The following CANX variants were observed in gnomAD, a reference collection of about 807,000 sequenced individuals.
The protein encoded by CANX is calnexin, also known as epididymis secretory sperm binding protein.
CANX carries 14 observed loss-of-function variants against 75.7 expected under a neutral mutation model. The observed-to-expected ratio is 0.19, with a 90% CI of 0.12 to 0.29. CANX has a LOEUF of 0.29. Ranked by LOEUF, CANX falls within the 10% of genes least tolerant of loss-of-function variation. The probability of loss-of-function intolerance (pLI) is 1.00; values close to 1 mark genes in which losing one functional copy is unlikely to be tolerated. For synonymous variants in CANX, 227 were observed against 236.9 expected (o/e 0.96, Z 0.38); for missense variants, 567 against 713.2 (o/e 0.79, Z 2.34).
chr5:179,698,360 C>T (rs569309007), upstream of CANX: 42 of 1,175,558 alleles, frequency 3.6e-5, no homozygotes, highest in South Asian at 4.9e-4. Flanking sequence ...TGCGCAGGCT[C>T]CTGGGCCGAG....
At chr5:179,680,560 G>A (rs1332740297) in intron 1 of CANX, among the ~76,000 whole-genome samples, 2 of 152,112 alleles carry the variant, frequency 1.3e-5, no homozygotes, top group African/African-American at 4.8e-5. Context: ...TATGCATAGG[G>A]CTCAAAGTAT....
At chr5:179,694,647 G>GA, upstream of CANX, 1 of 800,560 alleles carries the variant, frequency 1.2e-6, no homozygotes, top group African/African-American at 1.7e-5. Flanking sequence ...GTACGAGAAG[G>GA]ATGTTGCTGA....
intron 1 of CANX, among the ~76,000 whole-genome samples, chr5:179,685,121 C>G (rs571576413): frequency 6.6e-6 from 1 of 151,368 alleles, no homozygotes; most frequent in South Asian, 2.1e-4. Flanking sequence ...TTTTTGGAGG[C>G]AGAGTCTCGC....
intron 11 of CANX, among the ~76,000 whole-genome samples, 165 bp downstream of exon 11, chr5:179,723,184 T>A (rs932803772): frequency 6.6e-6 from 1 of 152,188 alleles, no homozygotes; most frequent in Non-Finnish European, 1.5e-5. Flanking sequence ...ATGATTTCAT[T>A]AGTCTAATGT....
intron 1 of CANX, among the ~76,000 whole-genome samples, chr5:179,681,828 G>C (rs989995693): frequency 6.6e-6 from 1 of 151,818 alleles, no homozygotes; most frequent in African/African-American, 2.4e-5. Flanking sequence ...TGCGACTGTA[G>C]TCCCAGCTAC....
At position 179,728,667 on chromosome 5, in the gene CANX, G is replaced by A; in HGVS notation, c.*23G>A. 4 of 1,574,126 alleles carry A rather than the reference G, an allele frequency of 2.5e-6. No homozygotes were observed. The highest frequency in any genetic ancestry group is 3.5e-6 in the Non-Finnish European group (4 of 1,144,056). ...TGAAACAATCTTAAGAGCTTGATCTGTGATTTCTTCTCCCTCCTCCCCTGC... is the reference window on the plus strand; with the variant it reads ...TGAAACAATCTTAAGAGCTTGATCTATGATTTCTTCTCCCTCCTCCCCTGC... On this transcript the variant is annotated 3_prime_UTR_variant, in exon 15 of 15. Coordinates refer to ENST00000247461, the MANE Select transcript of CANX (RefSeq NM_001746.4).
At chr5:179,688,779 G>A (rs1290240140) in intron 1 of CANX, among the ~76,000 whole-genome samples, 2 of 151,104 alleles carry the variant, frequency 1.3e-5, no homozygotes, top group Non-Finnish European at 1.5e-5. Context: ...TCAGGAGATC[G>A]AAACTAGGCT....
At chr5:179,707,937 A>C (rs886453838) in intron 4 of CANX, among the ~76,000 whole-genome samples, 7 of 152,194 alleles carry the variant, frequency 4.6e-5, no homozygotes, top group African/African-American at 1.7e-4. Flanking sequence ...CTTGGGTTCA[A>C]GCGATTCTCC....
Position 179,684,926 on chromosome 5 carries a change from A to ATTT in CANX, c.-4+6177_-4+6179dup, listed in dbSNP as rs71001039. Among the ~76,000 whole-genome samples the ATTT allele has an allele frequency of 1.0e-3, 51 of 49,148 alleles. 7 individuals are homozygous for ATTT. Among genetic ancestry groups the ATTT allele is most frequent in the African/African-American group, 4.1e-3 (45 of 11,064 alleles). 32.2% of individuals were successfully genotyped at this position (49,148 alleles called of 152,430 possible). A position where few individuals can be genotyped will look rare whatever the true frequency, so the allele number is the denominator to read the frequency against. On this transcript the variant is annotated intron_variant, in intron 1 of 14. Transcript: ENST00000681674. ...TGCCACCACACCTGGCTAATTTTGT[A>ATTT]TTTTTTTTTTTTTTTTTTTTTTTTT...
In CANX at chr5:179,723,214, T is replaced by A. The variant is rs544383611; in HGVS notation, c.1398+195T>A. 7.9e-5 allele frequency among the ~76,000 whole-genome samples: 12 copies of A among 152,292 alleles called. No homozygotes were observed. In the South Asian group the frequency reaches 2.5e-3, roughly 32 times the overall value. ...TAATGTAGTGGCTTTAGAGTCTGTT[T>A]GTGTTCAGGGTTTTTTTTTTATTAT... On this transcript the variant is annotated intron_variant, in intron 11 of 14. Coordinates refer to ENST00000247461, the MANE Select transcript of CANX (RefSeq NM_001746.4).
upstream of CANX, among the ~76,000 whole-genome samples, chr5:179,693,821 C>T (rs1258510859): frequency 5.9e-5 from 9 of 151,420 alleles, no homozygotes; most frequent in South Asian, 1.9e-3. Context: ...CTAGCCTGGC[C>T]GGTAACTTGT....
upstream of CANX, among the ~76,000 whole-genome samples, chr5:179,696,220 ATTC>A (rs1776399582): frequency 7.1e-6 from 1 of 140,724 alleles, no homozygotes; most frequent in Non-Finnish European, 1.5e-5. Flanking sequence ...ACCCGGCCTG[ATTC>A]TTTGTTGAAA....
chr5:179,727,235 G>C (rs1043534618), intron 14 of CANX, among the ~76,000 whole-genome samples: 8 of 152,172 alleles, frequency 5.3e-5, no homozygotes, highest in Non-Finnish European at 1.0e-4. Context: ...TCTGCCTTTA[G>C]GGAGCTTAAA....
chr5:179,692,070 G>A (rs566914229), intron 1 of CANX, among the ~76,000 whole-genome samples: 1 of 137,684 alleles, frequency 7.3e-6, no homozygotes, highest in East Asian at 2.2e-4. Context: ...GTGAGCCACC[G>A]TGCCCGGCCT....
intron 14 of CANX, among the ~76,000 whole-genome samples, chr5:179,728,275 C>T (rs1004901782): frequency 6.6e-6 from 1 of 152,158 alleles, no homozygotes; most frequent in Non-Finnish European, 1.5e-5. Flanking sequence ...GCTAGTGTGC[C>T]ATAGGCCAGT....
chr5:179,684,750 A>G (rs886191863), intron 1 of CANX, among the ~76,000 whole-genome samples: 3 of 151,392 alleles, frequency 2.0e-5, no homozygotes, highest in Non-Finnish European at 4.4e-5. Context: ...TAATAAATTT[A>G]TTTTACTTAT....
intron 10 of CANX, among the ~76,000 whole-genome samples, chr5:179,722,183 G>A (rs923941978): frequency 1.3e-5 from 2 of 152,188 alleles, no homozygotes; most frequent in East Asian, 3.9e-4. Flanking sequence ...CACAAAAATT[G>A]GCCTGGTATG....
intron 1 of CANX, among the ~76,000 whole-genome samples, chr5:179,705,266 A>AGCCACGGC (rs1453479674): frequency 6.6e-6 from 1 of 152,242 alleles, no homozygotes; most frequent in African/African-American, 2.4e-5. Flanking sequence ...TACAGGCGTG[A>AGCCACGGC]GCCACGGCGC....
chr5:179,701,007 T>A (rs56030002), intron 1 of CANX: 1 of 151,952 alleles, frequency 6.6e-6, no homozygotes, highest in Non-Finnish European at 1.5e-5. Context: ...GGACTACAGG[T>A]GCCCGCCACC....
Sources: gnomAD v4.1 joint callset for allele counts (sites outside exome capture counted in the v4.1 genomes callset) on GRCh38, gnomAD v4.1.1 for gene constraint, MANE v1.5 for transcripts, NCBI Gene and HGNC (gene_info 2026-07-23, HGNC 2026-07-21) for gene names.